Variants in ST14 observed in about 807,000 individuals in gnomAD.
ST14 encodes ST14 transmembrane serine protease matriptase.
Under a neutral mutation model 96.5 loss-of-function variants are expected in ST14, and 40 were observed. That is an observed-to-expected ratio of 0.41 (90% CI 0.32 to 0.54). ST14 has a LOEUF of 0.54. ST14 is among the 20% of genes least tolerant of loss of function. ST14 has a pLI of 0.17. For missense variants in ST14, 1,066 were observed against 1,188.9 expected (o/e 0.90, Z 1.52); for synonymous variants, 506 against 492.1 (o/e 1.03, Z -0.37).
chr11:130,189,566 G>A (rs1406153052), intron 4 of ST14, 173 bp from the exon 5 acceptor site: 1 of 786,924 alleles, frequency 1.3e-6, no homozygotes, highest in Non-Finnish European at 2.0e-6. Context: ...AAAGGGCAAG[G>A]CCTCTTGCTT....
chr11:130,198,703 C>T lies in ST14; in HGVS notation c.1684+82C>T, dbSNP rs1440879764. The stretch of plus-strand genomic sequence containing the variant: ...CCTGAGCACACGCACATGCAGGACG[C>T]CCCGAGTTTAATGAACACAAACCAC... On this transcript the variant is annotated intron_variant, in intron 14 of 18. Transcript: ENST00000278742. 5.7e-6 allele frequency: 8 copies of T among 1,400,674 alleles called. No individual in the cohort carries two copies. The Admixed American group carries it at 1.5e-4, about 26-fold the overall frequency. The allele number at this position is 1,400,674 out of a possible 1,614,324, so 86.8% of individuals were successfully genotyped here.
intron 15 of ST14, among the ~76,000 whole-genome samples, 179 bp from the exon 16 acceptor site, chr11:130,199,772 G>A (rs1396580396): frequency 6.6e-6 from 1 of 152,234 alleles, no homozygotes; most frequent in Non-Finnish European, 1.5e-5. Context: ...GTGGAAGGGA[G>A]TCTGTGAAGC....
chr11:130,170,836 G>A (rs954593670), intron 1 of ST14, among the ~76,000 whole-genome samples: 2 of 152,082 alleles, frequency 1.3e-5, no homozygotes, highest in African/African-American at 4.8e-5. Context: ...GTAGTAGATA[G>A]AGTTTTGCAG....
At chr11:130,185,745 A>G (rs185153993) in intron 1 of ST14, among the ~76,000 whole-genome samples, 6 of 152,240 alleles carry the variant, frequency 3.9e-5, no homozygotes, top group African/African-American at 1.4e-4. Flanking sequence ...TGAGTTTATA[A>G]CATTATCATA....
At chr11:130,179,434 C>T (rs1953170433) in intron 1 of ST14, among the ~76,000 whole-genome samples, 1 of 152,122 alleles carries the variant, frequency 6.6e-6, no homozygotes, top group African/African-American at 2.4e-5. Context: ...TCCAGTGTGG[C>T]CTTTCTTTTC....
At position 130,188,357 on chromosome 11, in the gene ST14, T is replaced by A; in HGVS notation, c.241+84T>A. The A allele has an allele frequency of 6.3e-7, 1 of 1,581,302 alleles. No individual in the cohort carries two copies. The highest frequency in any genetic ancestry group is 8.6e-7 in the Non-Finnish European group (1 of 1,161,022). On this transcript the variant is annotated intron_variant, in intron 2 of 18. Transcript: ENST00000278742. This position sits in a 1 kb window ranked among gnomAD's most constrained non-coding sequence, Gnocchi z 5.4. ...CTCAGCGGACAGACCCAGGGCCACC[T>A]ACTGAGTACACGAGGATCTCTTGGC...
At chr11:130,180,076 T>C (rs1378831224) in intron 1 of ST14, among the ~76,000 whole-genome samples, 1 of 152,168 alleles carries the variant, frequency 6.6e-6, no homozygotes, top group Non-Finnish European at 1.5e-5. Flanking sequence ...TTGAAATCCG[T>C]CCCACCTTGG....
At chr11:130,201,558 C>T (rs112016652) in intron 16 of ST14, among the ~76,000 whole-genome samples, 153 of 152,370 alleles carry the variant, frequency 1.0e-3, no homozygotes, top group African/African-American at 3.3e-3. Context: ...TCCCCAGCTT[C>T]GCTGGGTGCT....
At chr11:130,204,751 T>C (rs1390578389) in intron 16 of ST14, among the ~76,000 whole-genome samples, 2 of 151,456 alleles carry the variant, frequency 1.3e-5, no homozygotes, top group African/African-American at 4.9e-5. Context: ...GAGGCGGAGG[T>C]TGTGGTGAGC....
rs1733673660 is a variant in ST14 at position 130,160,073 on chromosome 11, C to G, written c.81+13C>G. On this transcript the variant is annotated intron_variant, in intron 1 of 18. Coordinates refer to ENST00000278742, the MANE Select transcript of ST14 (RefSeq NM_021978.4). Reference sequence around the variant, plus strand: ...CTCCCGGCACGAGGTGAGCGCGGGCCGGGGACCCGGGGCGCTGGGAAGCTC... The same window carrying G: ...CTCCCGGCACGAGGTGAGCGCGGGCGGGGGACCCGGGGCGCTGGGAAGCTC... The G allele has an allele frequency of 6.4e-6, 9 of 1,415,342 alleles. No individual in the cohort carries two copies. Among genetic ancestry groups the G allele is most frequent in the South Asian group, 1.5e-5 (1 of 67,116 alleles). 87.7% of individuals were successfully genotyped at this position (1,415,342 alleles called of 1,614,324 possible). A position where few individuals can be genotyped will look rare whatever the true frequency, so the allele number is the denominator to read the frequency against.
At chr11:130,198,178 T>A in intron 12 of ST14, 130 bp from the exon 13 acceptor site, 1 of 985,338 alleles carries the variant, frequency 1.0e-6, no homozygotes, top group Non-Finnish European at 1.6e-6. Context: ...TGGTAGCTGG[T>A]GGAGCAGGGC....
Position 130,209,718 on chromosome 11 carries a change from C to G in ST14, c.2463C>G (p.Ala821=). 3 of 1,613,924 alleles carry G rather than the reference C, an allele frequency of 1.9e-6. No homozygotes were observed. Among genetic ancestry groups the G allele is most frequent in the South Asian group, 2.2e-5 (2 of 91,090 alleles). The change falls in exon 19 of 19, where the codon GCC becomes GCG. Residue 821 remains alanine (A), a synonymous_variant. Coordinates refer to ENST00000278742, the MANE Select transcript of ST14 (RefSeq NM_021978.4). ...SVEADGRIFQ[A]GVVSWGDGCA... ...AGGCGGATGGGCGGATCTTCCAGGC[C>G]GGTGTGGTGAGCTGGGGAGACGGCT...
Position 130,188,215 on chromosome 11 carries a change from G to A in ST14, c.183G>A (p.Val61=). 1 of 1,614,212 alleles carries A rather than the reference G, an allele frequency of 6.2e-7. No homozygotes were observed. The highest frequency in any genetic ancestry group is 1.3e-5 in the African/African-American group (1 of 75,064). ...GGCGCTGGGTGGTGCTGGCAGCCGT[G>A]CTGATCGGCCTCCTCTTGGTCTTGC... ...GPGRWVVLAA[V]LIGLLLVLLG... is the part of the protein sequence containing the mutation. The change falls in exon 2 of 19, where the codon GTG becomes GTA. Residue 61 remains valine (V), a synonymous_variant. Transcript: ENST00000278742. This position sits in a 1 kb window ranked among gnomAD's most constrained non-coding sequence, Gnocchi z 5.4.
chr11:130,208,304 C>G (rs1187912108), intron 16 of ST14, 106 bp from the exon 17 acceptor site: 9 of 1,507,694 alleles, frequency 6.0e-6, no homozygotes, highest in Non-Finnish European at 8.3e-6. Context: ...CTCGTAGCAG[C>G]AGCTGTGCCT....
chr11:130,178,568 G>A (rs1953163017), intron 1 of ST14, among the ~76,000 whole-genome samples: 1 of 152,190 alleles, frequency 6.6e-6, no homozygotes, highest in Admixed American at 6.5e-5. Context: ...TTTCTGTGTT[G>A]ACAACGTCCT....
chr11:130,190,283 T>C, intron 6 of ST14, 135 bp downstream of exon 6: 2 of 1,476,944 alleles, frequency 1.4e-6, no homozygotes, highest in Non-Finnish European at 1.9e-6. Flanking sequence ...AGGCCCTTCC[T>C]CTTCCAGGCC....
chr11:130,190,727 G>C, intron 7 of ST14, 33 bp downstream of exon 7: 1 of 1,540,302 alleles, frequency 6.5e-7, no homozygotes, highest in African/African-American at 1.4e-5. Context: ...AGGGCTGTGG[G>C]AGCTTGGCGG....
chr11:130,162,797 G>C (rs1409244929), intron 1 of ST14, among the ~76,000 whole-genome samples: 2 of 152,180 alleles, frequency 1.3e-5, no homozygotes, highest in Non-Finnish European at 2.9e-5. Flanking sequence ...CACTGGGTGA[G>C]CACATGGCAT....
chr11:130,169,888 G>A (rs540188522), intron 1 of ST14, among the ~76,000 whole-genome samples: 1 of 152,214 alleles, frequency 6.6e-6, no homozygotes, highest in African/African-American at 2.4e-5. Context: ...TCTCTTGTCG[G>A]GTTTTGGGGG....
Sources: gnomAD v4.1 joint callset for allele counts (sites outside exome capture counted in the v4.1 genomes callset) on GRCh38, gnomAD v4.1.1 for gene constraint, Gnocchi (gnomAD v3.1) non-coding constraint, MANE v1.5 for transcripts, NCBI Gene and HGNC (gene_info 2026-07-23, HGNC 2026-07-21) for gene names.